DLGAP2: variants seen among roughly 807,000 people sequenced by gnomAD.
DLGAP2 encodes DLG associated protein 2, also known as disks large-associated protein 2.
Under a neutral mutation model 100.3 loss-of-function variants are expected in DLGAP2, and 26 were observed. That is an observed-to-expected ratio of 0.26 (90% CI 0.19 to 0.36). DLGAP2 has a LOEUF of 0.36. Ranked by LOEUF, DLGAP2 falls within the 10% of genes least tolerant of loss-of-function variation. DLGAP2 has a pLI of 1.00. For missense variants in DLGAP2, 1,858 were observed against 1,453.2 expected, an observed-to-expected ratio of 1.28 and a Z score of -4.53; for synonymous variants, 886 against 630.1, an observed-to-expected ratio of 1.41 and a Z score of -6.08.
chr8:1,205,206 G>A (rs530169434), intron 2 of DLGAP2, among the ~76,000 whole-genome samples: 2 of 152,180 alleles, frequency 1.3e-5, no homozygotes, highest in Middle Eastern at 3.4e-3. Flanking sequence ...TTTATTTTTT[G>A]TAACTGTAGG....
chr8:903,831 A>T (rs935575600), intron 1 of DLGAP2, among the ~76,000 whole-genome samples: 1 of 152,178 alleles, frequency 6.6e-6, no homozygotes, highest in Non-Finnish European at 1.5e-5. Flanking sequence ...AAGTCACCTG[A>T]CTTACGGTGC....
chr8:857,470 A>T (rs1413575147), intron 1 of DLGAP2, among the ~76,000 whole-genome samples: 5 of 152,202 alleles, frequency 3.3e-5, no homozygotes, highest in African/African-American at 4.8e-5. Context: ...TATACAAATA[A>T]TTTTCAAATT....
At chr8:824,492 A>C (rs1324661896) in intron 1 of DLGAP2, among the ~76,000 whole-genome samples, 1 of 152,138 alleles carries the variant, frequency 6.6e-6, no homozygotes, top group East Asian at 1.9e-4. Flanking sequence ...AAATATCTGC[A>C]TGACACAGCA....
intron 4 of DLGAP2, among the ~76,000 whole-genome samples, chr8:1,525,091 T>G (rs964541389): frequency 6.6e-6 from 1 of 152,104 alleles, no homozygotes; most frequent in Non-Finnish European, 1.5e-5. Context: ...TCAAATTCCT[T>G]GGTCCTTTTT....
intron 2 of DLGAP2, among the ~76,000 whole-genome samples, chr8:1,091,257 G>A (rs964406451): frequency 2.0e-5 from 3 of 152,216 alleles, no homozygotes; most frequent in African/African-American, 4.8e-5. Context: ...ATTCCAGAGC[G>A]GATACTCGAA....
chr8:1,155,759 G>A (rs893511819), intron 2 of DLGAP2, among the ~76,000 whole-genome samples: 13 of 152,176 alleles, frequency 8.5e-5, no homozygotes, highest in Non-Finnish European at 1.6e-4. Context: ...CGGGGCCTTG[G>A]TCGGTGGGGC....
At chr8:1,616,596 A>G (rs1797161981) in intron 6 of DLGAP2, among the ~76,000 whole-genome samples, 1 of 152,226 alleles carries the variant, frequency 6.6e-6, no homozygotes. Context: ...ATACCTTTAA[A>G]GTGATCAAAA....
chr8:1,097,755 G>A (rs1454732143), intron 2 of DLGAP2, among the ~76,000 whole-genome samples: 1 of 135,790 alleles, frequency 7.4e-6, no homozygotes, highest in African/African-American at 2.9e-5. Context: ...CCTAGGGCAG[G>A]CCTTCACCCT....
intron 2 of DLGAP2, among the ~76,000 whole-genome samples, chr8:976,197 C>T (rs757364214): frequency 5.3e-5 from 8 of 152,130 alleles, no homozygotes; most frequent in East Asian, 1.9e-4. Context: ...AACATTTTCA[C>T]GATAATAAGT....
At chr8:1,133,007 A>C (rs893683618) in intron 2 of DLGAP2, among the ~76,000 whole-genome samples, 3 of 152,162 alleles carry the variant, frequency 2.0e-5, no homozygotes, top group Non-Finnish European at 4.4e-5. Context: ...TTGTGTCTTC[A>C]CTTCCCCCTA....
At chr8:1,100,752 C>G (rs1266128940) in intron 2 of DLGAP2, among the ~76,000 whole-genome samples, 2 of 152,112 alleles carry the variant, frequency 1.3e-5, no homozygotes, top group Non-Finnish European at 2.9e-5. Flanking sequence ...TGATCTGCCA[C>G]GCAGGACAGA....
At chr8:1,001,774 C>T (rs981889893) in intron 2 of DLGAP2, among the ~76,000 whole-genome samples, 5 of 152,128 alleles carry the variant, frequency 3.3e-5, no homozygotes, top group South Asian at 2.1e-4. Flanking sequence ...CCTCCACTCC[C>T]CCAAATTTCC....
At chr8:1,488,996 C>G (rs760735845) in intron 3 of DLGAP2, among the ~76,000 whole-genome samples, 6 of 152,198 alleles carry the variant, frequency 3.9e-5, no homozygotes, top group Non-Finnish European at 5.9e-5. Flanking sequence ...CCCACAGACT[C>G]AACTCGCATT....
intron 3 of DLGAP2, among the ~76,000 whole-genome samples, chr8:1,307,759 G>A (rs994739370): frequency 2.6e-5 from 4 of 152,130 alleles, no homozygotes; most frequent in African/African-American, 7.2e-5. Context: ...AATGAAATTC[G>A]CCCGTCACAA....
Position 1,225,486 on chromosome 8 carries a change from C to T in DLGAP2, c.74-33365C>T, listed in dbSNP as rs147538586. On this transcript the variant is annotated intron_variant, in intron 2 of 14. Coordinates refer to ENST00000637795, the MANE Select transcript of DLGAP2 (RefSeq NM_001346810.2). ...GGTTTCCTTTTGGACTGATGAAAAA[C>T]GTCTTGAAACTGGACAGAGCTGGTT... Among the ~76,000 whole-genome samples the T allele has an allele frequency of 4.3e-4, 65 of 152,270 alleles. 1 individual carries two copies. The East Asian group carries it at 0.012, about 28-fold the overall frequency.
intron 3 of DLGAP2, among the ~76,000 whole-genome samples, chr8:1,418,971 G>A (rs942538348): frequency 3.3e-5 from 5 of 152,218 alleles, no homozygotes; most frequent in African/African-American, 1.2e-4. Context: ...CCCACACTAT[G>A]TAAATGCTCC....
In DLGAP2 at chr8:1,392,905, G is replaced by A. The variant is rs142182322; in HGVS notation, c.107-108461G>A. On this transcript the variant is annotated intron_variant, in intron 3 of 14. Transcript: ENST00000637795. The stretch of plus-strand genomic sequence containing the variant: ...GACGTTTCTGTTTTTTTTTTGAGAC[G>A]GAGTCTCTGTGACTCTTTTTTTACA... 8.0e-3 allele frequency among the ~76,000 whole-genome samples: 1,102 copies of A among 137,116 alleles called. 9 individuals are homozygous for A. The highest frequency in any genetic ancestry group is 0.022 in the African/African-American group (797 of 35,604). The allele number at this position is 137,116 out of a possible 152,430, so 90.0% of individuals were successfully genotyped here. A position where few individuals can be genotyped will look rare whatever the true frequency, so the allele number is the denominator to read the frequency against.
At chr8:1,209,230 C>G (rs1216784823) in intron 2 of DLGAP2, among the ~76,000 whole-genome samples, 1 of 152,142 alleles carries the variant, frequency 6.6e-6, no homozygotes, top group Non-Finnish European at 1.5e-5. Flanking sequence ...CTGGAGGCAT[C>G]ACATTACCCA....
chr8:1,191,550 G>C (rs1309835149), intron 2 of DLGAP2, among the ~76,000 whole-genome samples: 1 of 152,166 alleles, frequency 6.6e-6, no homozygotes, highest in African/African-American at 2.4e-5. Flanking sequence ...GTTATCTCTT[G>C]AAATTAATTC....
Sources: gnomAD v4.1 joint callset for allele counts (sites outside exome capture counted in the v4.1 genomes callset) on GRCh38, gnomAD v4.1.1 for gene constraint, MANE v1.5 for transcripts, NCBI Gene and HGNC (gene_info 2026-07-23, HGNC 2026-07-21) for gene names.